The following NEB variants were observed in gnomAD, a reference collection of about 807,000 sequenced individuals.
NEB encodes the protein nebulin.
NEB carries 512 observed loss-of-function variants against 952.2 expected under a neutral mutation model. The ratio of observed to expected loss-of-function variants is 0.54; its 90% CI spans 0.50 to 0.58. The LOEUF is 0.58. NEB is among the 20% of genes least tolerant of loss of function. The pLI, the probability that NEB is intolerant of heterozygous loss-of-function variation, is 0.00. For missense variants in NEB, 8,428 were observed against 9,231.1 expected (o/e 0.91, Z 3.56); for synonymous variants, 2,900 against 3,149.8 (o/e 0.92, Z 2.66).
At chr2:151,576,027 G>A (rs2096816827) in intron 106 of NEB, 124 bp downstream of exon 106, 1 of 763,938 alleles carries the variant, frequency 1.3e-6, no homozygotes, top group Non-Finnish European at 2.0e-6. Context: ...AGACAATACT[G>A]TATTACTTAA....
In NEB at chr2:151,644,531, G is replaced by A. The variant is rs200425929; in HGVS notation, c.7581C>T (p.Tyr2527=). The A allele has an allele frequency of 9.5e-4, 1,526 of 1,613,890 alleles. 1 individual carries two copies. The highest frequency in any genetic ancestry group is 1.2e-3 in the Non-Finnish European group (1,418 of 1,179,818). Residue 2527 remains tyrosine (Y), a synonymous_variant, in exon 56 of 182, where the codon TAC becomes TAT. Transcript: ENST00000397345. The part of the protein sequence containing the change: ...MGYEELKRKG[Y]DLPVDAIPIK... ...TTGGTATGGCATCAACAGGAAGATC[G>A]TAACCTTTTCTCTTCAGCTCCTCAT...
chr2:151,511,083 A>G (rs554715984), intron 161 of NEB, among the ~76,000 whole-genome samples: 1 of 152,338 alleles, frequency 6.6e-6, no homozygotes, highest in South Asian at 2.1e-4. Flanking sequence ...AAGTGACGTG[A>G]TCCCACACTG....
chr2:151,655,237 C>A, intron 51 of NEB, 33 bp downstream of exon 51: 1 of 1,244,424 alleles, frequency 8.0e-7, no homozygotes, highest in Non-Finnish European at 1.1e-6. Flanking sequence ...AGTTTCAATA[C>A]AAAACTTAAA....
Position 151,717,507 on chromosome 2 carries a change from T to G in NEB, c.731A>C (p.Lys244Thr). Residue 244 changes from lysine (K) to threonine (T), a missense_variant, in exon 10 of 182, where the codon AAA (lysine) becomes ACA (threonine). By Grantham distance (78) the Lys-to-Thr change is moderately conservative. Coordinates refer to ENST00000397345, the MANE Select transcript of NEB (RefSeq NM_001164508.2). ...QKALSDVAYK[K>T]GLAEQQAQFT... is the part of the protein sequence containing the mutation. ...TTGAGCTTGCTGTTCAGCGAGACCTTTTTTGTAGGCAACCTGATGAAATAA... is the reference window on the plus strand; with the variant it reads ...TTGAGCTTGCTGTTCAGCGAGACCTGTTTTGTAGGCAACCTGATGAAATAA... 6.2e-7 allele frequency: 1 copy of G among 1,613,202 alleles called. No homozygotes were observed. The highest frequency in any genetic ancestry group is 1.1e-5 in the South Asian group (1 of 90,986).
At chr2:151,637,705 G>A (rs1320396514) in intron 63 of NEB, among the ~76,000 whole-genome samples, 2 of 152,194 alleles carry the variant, frequency 1.3e-5, no homozygotes, top group African/African-American at 4.8e-5. Context: ...CACAGGGGGA[G>A]CCCTTTGTTT....
At chr2:151,620,834 G>C in intron 72 of NEB, 85 bp downstream of exon 72, 1 of 1,047,660 alleles carries the variant, frequency 9.5e-7, no homozygotes, top group Non-Finnish European at 1.4e-6. Context: ...GGGAGTTAAG[G>C]TGGATGATGA....
intron 84 of NEB, among the ~76,000 whole-genome samples, chr2:151,605,266 A>G (rs1250434148): frequency 7.6e-6 from 1 of 130,834 alleles, no homozygotes; most frequent in Non-Finnish European, 1.7e-5. Context: ...CAATGTCTCT[A>G]TGAGGTAGAT....
intron 121 of NEB, 116 bp from the exon 122 acceptor site, chr2:151,561,428 C>T (rs940140869): frequency 1.4e-6 from 1 of 719,584 alleles, no homozygotes; most frequent in Non-Finnish European, 2.4e-6. Context: ...TTAATCCTAA[C>T]AAACAGGCTG....
chr2:151,720,596 C>G (rs1174491108), intron 9 of NEB, among the ~76,000 whole-genome samples: 2 of 152,144 alleles, frequency 1.3e-5, no homozygotes, highest in African/African-American at 4.8e-5. Flanking sequence ...GTTCAAAGTC[C>G]ATAGCATTAG....
At chr2:151,543,592 A>C (rs952436782) in intron 135 of NEB, among the ~76,000 whole-genome samples, 3 of 152,212 alleles carry the variant, frequency 2.0e-5, no homozygotes, top group African/African-American at 7.2e-5. Flanking sequence ...GCTAATTGGA[A>C]GTAAATCTGG....
At position 151,656,291 on chromosome 2, in the gene NEB, C is replaced by G. The variant is rs776144990; in HGVS notation, c.6357G>C (p.Met2119Ile). ...CATCCTTTGCAGCCGTGACACTGAG[C>G]ATGTCGGCAGGGGTGTGGTAGCTGG... ...TKTSYHTPAD[M>I]LSVTAAKDAQ... Residue 2119 changes from methionine (M) to isoleucine (I), a missense_variant, in exon 49 of 182, where the codon ATG (methionine) becomes ATC (isoleucine). Met to Ile is a conservative substitution (Grantham distance 10). Coordinates refer to ENST00000397345, the MANE Select transcript of NEB (RefSeq NM_001164508.2). 6.2e-7 allele frequency: 1 copy of G among 1,613,520 alleles called. No individual in the cohort carries two copies. Among genetic ancestry groups the G allele is most frequent in the Admixed American group, 1.7e-5 (1 of 59,952 alleles).
intron 9 of NEB, among the ~76,000 whole-genome samples, chr2:151,719,170 G>A (rs1447470320): frequency 6.6e-6 from 1 of 152,194 alleles, no homozygotes; most frequent in Non-Finnish European, 1.5e-5. Flanking sequence ...TCTTGACTGT[G>A]AGCTCTGGGA....
In NEB at chr2:151,668,880, A is replaced by T. The variant is rs2099252130; in HGVS notation, c.4611+147T>A. The T allele has an allele frequency of 7.3e-6, 4 of 551,692 alleles. No individual in the cohort carries two copies. In the South Asian group the frequency reaches 1.3e-4, roughly 18 times the overall value. The allele number at this position is 551,692 out of a possible 1,614,324, so 34.2% of individuals were successfully genotyped here. On this transcript the variant is annotated intron_variant, in intron 39 of 181. Transcript: ENST00000397345. ...AAGCAAAATTTTATTGCCGCCCCCTAGGCTCATGTTGCATGGTTAAGGGTT... is the reference window on the plus strand; with the variant it reads ...AAGCAAAATTTTATTGCCGCCCCCTTGGCTCATGTTGCATGGTTAAGGGTT...
In NEB at chr2:151,526,911, T is replaced by C; in HGVS notation, c.21945+7A>G. 6.4e-7 allele frequency: 1 copy of C among 1,564,210 alleles called. No individual in the cohort carries two copies. The highest frequency in any genetic ancestry group is 8.7e-7 in the Non-Finnish European group (1 of 1,146,206). The stretch of plus-strand genomic sequence containing the variant: ...GTTAGGCATCATGGAAGGAACTAGG[T>C]ACTTACATCACTTTCTATTAAAGTA... On this transcript the variant is annotated splice_region_variant and intron_variant, in intron 148 of 181. Coordinates refer to ENST00000397345, the MANE Select transcript of NEB (RefSeq NM_001164508.2).
In NEB at chr2:151,633,723, G is replaced by T. The variant is rs367739638; in HGVS notation, c.9345C>A (p.His3115Gln). The T allele has an allele frequency of 6.2e-7, 1 of 1,613,966 alleles. No individual in the cohort carries two copies. The highest frequency in any genetic ancestry group is 1.1e-5 in the South Asian group (1 of 91,076). Residue 3115 changes from histidine to glutamine, a missense_variant, in exon 65 of 182, where the codon CAC becomes CAA. His to Gln is a conservative substitution (Grantham distance 24). Around this residue, in one of 11 missense-constraint regions of NEB, gnomAD observed 1,772 missense variants for 1,960.3 expected, o/e 0.90. Transcript: ENST00000397345. ...VSDVDYKNYL[H>Q]EWTCLPDQSD... The stretch of plus-strand genomic sequence containing the variant: ...TCTGGTCAGGCAGGCATGTCCACTC[G>T]TGCAGGTAGTTCTTATAGTCCACGT...
chr2:151,682,843 C>T lies in NEB; in HGVS notation c.2836-74G>A, dbSNP rs1316746547. The T allele has an allele frequency of 4.6e-6, 6 of 1,302,226 alleles. No homozygotes were observed. The Admixed American group carries it at 1.1e-4, about 23-fold the overall frequency. The allele number at this position is 1,302,226 out of a possible 1,614,324, so 80.7% of individuals were successfully genotyped here. On this transcript the variant is annotated intron_variant, in intron 28 of 181. Coordinates refer to ENST00000397345, the MANE Select transcript of NEB (RefSeq NM_001164508.2). Reference sequence around the variant, plus strand: ...TATGTAAAATCATCAAAGTTTTACCCAAAACAATGTTTTTGAGATTTCTGA... The same window carrying T: ...TATGTAAAATCATCAAAGTTTTACCTAAAACAATGTTTTTGAGATTTCTGA...
rs924281589 is a variant in NEB, at chr2:151,485,717, A to G, written c.*43T>C. ...GAGTCTAAACCGAAACATTGACTGCAGGATCTGTAAGTCCTGCAGACAAGT... is the reference window on the plus strand; with the variant it reads ...GAGTCTAAACCGAAACATTGACTGCGGGATCTGTAAGTCCTGCAGACAAGT... On this transcript the variant is annotated 3_prime_UTR_variant, in exon 182 of 182. Transcript: ENST00000397345. 6.4e-7 allele frequency: 1 copy of G among 1,556,556 alleles called. No individual in the cohort carries two copies. The highest frequency in any genetic ancestry group is 2.3e-5 in the East Asian group (1 of 44,134).
chr2:151,696,157 T>C (rs1431714629), intron 17 of NEB, among the ~76,000 whole-genome samples: 2 of 152,238 alleles, frequency 1.3e-5, no homozygotes, highest in African/African-American at 2.4e-5. Flanking sequence ...TTAAAGCTCA[T>C]ATAATAAAAT....
intron 9 of NEB, among the ~76,000 whole-genome samples, chr2:151,718,857 G>T (rs1392891252): frequency 6.6e-6 from 1 of 152,036 alleles, no homozygotes; most frequent in Admixed American, 6.6e-5. Flanking sequence ...GATTCCTCTG[G>T]TTCTTTTGTT....
Sources: gnomAD v4.1 joint callset for allele counts (sites outside exome capture counted in the v4.1 genomes callset) on GRCh38, gnomAD v4.1.1 for gene constraint, gnomAD v4.1.1 regional missense constraint, MANE v1.5 for transcripts, NCBI Gene and HGNC (gene_info 2026-07-23, HGNC 2026-07-21) for gene names.